SLC5A8: variants seen among roughly 807,000 people sequenced by gnomAD.
SLC5A8 encodes solute carrier family 5 member 8.
SLC5A8 carries 55 observed loss-of-function variants against 71.9 expected under a neutral mutation model. The ratio of observed to expected loss-of-function variants is 0.77; its 90% CI spans 0.62 to 0.96. The LOEUF (loss-of-function observed/expected upper bound fraction) is 0.96. Ranked by LOEUF, SLC5A8 falls within the 40% of genes least tolerant of loss-of-function variation. The pLI is 0.00. For missense variants in SLC5A8, 701 were observed against 745.3 expected, an observed-to-expected ratio of 0.94 and a Z score of 0.69; for synonymous variants, 307 against 276.1, an observed-to-expected ratio of 1.11 and a Z score of -1.11.
intron 2 of SLC5A8, among the ~76,000 whole-genome samples, chr12:101,203,344 G>A (rs990136572): frequency 6.6e-6 from 1 of 152,090 alleles, no homozygotes; most frequent in African/African-American, 2.4e-5. Context: ...TCCTAAGGCA[G>A]CTTTTTTTCC....
intron 10 of SLC5A8, 106 bp from the exon 11 acceptor site, chr12:101,168,288 G>T: frequency 9.5e-7 from 1 of 1,049,594 alleles, no homozygotes; most frequent in East Asian, 2.8e-5. Flanking sequence ...GCCTCCTTCT[G>T]AAAATCATAG....
At chr12:101,197,579 A>G (rs768250348) in intron 3 of SLC5A8, among the ~76,000 whole-genome samples, 4 of 152,182 alleles carry the variant, frequency 2.6e-5, no homozygotes, top group Non-Finnish European at 5.9e-5. Context: ...GGAAAACTGG[A>G]CAGAACAAAT....
chr12:101,157,949 A>G (rs1382815862), intron 14 of SLC5A8, among the ~76,000 whole-genome samples: 1 of 152,068 alleles, frequency 6.6e-6, no homozygotes, highest in Non-Finnish European at 1.5e-5. Context: ...TTATCAGAGG[A>G]TAGAGAGATA....
At chr12:101,157,808 T>C (rs2051680740) in intron 14 of SLC5A8, among the ~76,000 whole-genome samples, 1 of 151,802 alleles carries the variant, frequency 6.6e-6, no homozygotes, top group African/African-American at 2.4e-5. Context: ...TATAGAGAGA[T>C]ATACAACAGG....
chr12:101,190,717 T>C (rs1868869146), intron 5 of SLC5A8, 109 bp from the exon 6 acceptor site: 3 of 748,004 alleles, frequency 4.0e-6, no homozygotes, highest in Non-Finnish European at 5.7e-6. Flanking sequence ...ACACAACACA[T>C]ACATAAATAT....
chr12:101,188,917 T>C (rs978791895), intron 6 of SLC5A8, among the ~76,000 whole-genome samples: 1 of 152,200 alleles, frequency 6.6e-6, no homozygotes, highest in Non-Finnish European at 1.5e-5. Flanking sequence ...TGACCACTTA[T>C]CAACATCTCA....
intron 3 of SLC5A8, among the ~76,000 whole-genome samples, chr12:101,197,939 A>G (rs1004550317): frequency 5.9e-5 from 9 of 152,058 alleles, no homozygotes; most frequent in African/African-American, 2.2e-4. Context: ...TGGGCCATAA[A>G]ACAAATCCAT....
chr12:101,191,039 A>G (rs989207452), intron 5 of SLC5A8, among the ~76,000 whole-genome samples: 2 of 152,228 alleles, frequency 1.3e-5, no homozygotes, highest in Non-Finnish European at 2.9e-5. Context: ...TTTTGTGTAT[A>G]GAATTCCTCT....
rs527958095 is a variant in SLC5A8 at position 101,198,136 on chromosome 12, A to G, written c.470-2974T>C. The stretch of plus-strand genomic sequence containing the variant: ...AATATTTTGAGAACTAAATAAAAAC[A>G]CAAGGTATCAAAATATATGGGCTGC... On this transcript the variant is annotated intron_variant, in intron 3 of 14. Coordinates refer to ENST00000536262, the MANE Select transcript of SLC5A8 (RefSeq NM_145913.5). Among the ~76,000 whole-genome samples the G allele has an allele frequency of 4.3e-4, 66 of 152,134 alleles. 2 individuals are homozygous for G. In the South Asian group the frequency reaches 0.013, roughly 30 times the overall value.
intron 3 of SLC5A8, among the ~76,000 whole-genome samples, chr12:101,195,621 A>T (rs998533984): frequency 5.9e-5 from 9 of 151,962 alleles, no homozygotes; most frequent in Admixed American, 5.9e-4. Flanking sequence ...ACACGAAAGG[A>T]TTCAAATGTA....
At chr12:101,197,873 C>T (rs1473260971) in intron 3 of SLC5A8, among the ~76,000 whole-genome samples, 1 of 152,002 alleles carries the variant, frequency 6.6e-6, no homozygotes, top group Non-Finnish European at 1.5e-5. Flanking sequence ...ATCCAAAAAG[C>T]ACACAATATA....
intron 5 of SLC5A8, 123 bp downstream of exon 5, chr12:101,193,502 G>T: frequency 8.9e-7 from 1 of 1,125,312 alleles, no homozygotes; most frequent in East Asian, 2.5e-5. Flanking sequence ...GCTTCAATTT[G>T]CTCTACCACA....
intron 13 of SLC5A8, among the ~76,000 whole-genome samples, chr12:101,161,273 A>G (rs2051721027): frequency 6.6e-6 from 1 of 152,116 alleles, no homozygotes; most frequent in African/African-American, 2.4e-5. Flanking sequence ...TGTTTCATTC[A>G]ATTAAGGGAG....
At chr12:101,166,416 A>G (rs186687433) in intron 12 of SLC5A8, 78 bp downstream of exon 12, 1 of 1,258,380 alleles carries the variant, frequency 7.9e-7, no homozygotes, top group East Asian at 2.6e-5. Flanking sequence ...TGTTGTAAGC[A>G]AGACAAAAAG....
At chr12:101,206,696 C>T (rs903622788) in intron 1 of SLC5A8, among the ~76,000 whole-genome samples, 4 of 152,136 alleles carry the variant, frequency 2.6e-5, no homozygotes, top group Admixed American at 6.5e-5. Flanking sequence ...CAAGATCTCT[C>T]GTGGTCCTCA....
At chr12:101,193,586 C>T (rs1869019842) in intron 5 of SLC5A8, 39 bp downstream of exon 5, 2 of 1,569,990 alleles carry the variant, frequency 1.3e-6, no homozygotes, top group East Asian at 2.3e-5. Context: ...TTATAGAATA[C>T]AAAAGATGTG....
intron 12 of SLC5A8, among the ~76,000 whole-genome samples, chr12:101,162,784 C>A (rs1488335294): frequency 6.6e-6 from 1 of 151,952 alleles, no homozygotes; most frequent in Non-Finnish European, 1.5e-5. Flanking sequence ...AAGTAAGAAA[C>A]CTGCACAGGT....
rs569325780 is a variant in SLC5A8 at position 101,166,313 on chromosome 12, T to C, written c.1526+181A>G. 2.6e-5 allele frequency among the ~76,000 whole-genome samples: 4 copies of C among 152,272 alleles called. No homozygotes were observed. The East Asian group carries it at 7.7e-4, about 29-fold the overall frequency. The stretch of plus-strand genomic sequence containing the variant: ...GACAAGGCAGAAATTTCTAGAGAAA[T>C]TATGAAAATATGACATTTTTTGTTA... On this transcript the variant is annotated intron_variant, in intron 12 of 14. Coordinates refer to ENST00000536262, the MANE Select transcript of SLC5A8 (RefSeq NM_145913.5).
chr12:101,190,952 G>T (rs1308432518), intron 5 of SLC5A8, among the ~76,000 whole-genome samples: 2 of 152,004 alleles, frequency 1.3e-5, no homozygotes, highest in Non-Finnish European at 2.9e-5. Flanking sequence ...GAAACATAGA[G>T]AAAGAGAAAG....
Sources: allele counts gnomAD v4.1 joint callset (sites outside exome capture counted in the v4.1 genomes callset), GRCh38; gene constraint gnomAD v4.1.1; transcripts MANE v1.5; gene names NCBI Gene and HGNC (gene_info 2026-07-23, HGNC 2026-07-21).